CDH19: variants seen among roughly 807,000 people sequenced by gnomAD.
The protein encoded by CDH19 is cadherin-19.
In CDH19, 67 loss-of-function variants were observed where a neutral mutation model predicts 64.2. The ratio of observed to expected loss-of-function variants is 1.04; its 90% CI spans 0.86 to 1.28. CDH19 has a LOEUF of 1.28. Among genes scored for constraint, CDH19 ranks in the 50% most tolerant of loss-of-function variants. The pLI is 0.00. For synonymous variants in CDH19, 346 were observed against 319.3 expected (o/e 1.08, Z -0.89); for missense variants, 1,030 against 929.0 (o/e 1.11, Z -1.41).
intron 3 of CDH19, among the ~76,000 whole-genome samples, chr18:66,564,608 G>T (rs1451100068): frequency 6.6e-6 from 1 of 151,828 alleles, no homozygotes; most frequent in East Asian, 1.9e-4. Flanking sequence ...TTTTAAGGAA[G>T]TCAGATTTTA....
intron 8 of CDH19, among the ~76,000 whole-genome samples, chr18:66,533,032 C>A (rs891084826): frequency 1.4e-4 from 21 of 151,998 alleles, no homozygotes; most frequent in African/African-American, 5.1e-4. Context: ...TGATGCAGAT[C>A]ACATTGTGTT....
chr18:66,532,319 A>C (rs1986479700), intron 8 of CDH19: 1 of 152,314 alleles, frequency 6.6e-6, no homozygotes, highest in South Asian at 2.1e-4. Context: ...ATACAATTAA[A>C]GGGTATAGGA....
intron 1 of CDH19, among the ~76,000 whole-genome samples, chr18:66,597,842 T>C (rs1373651048): frequency 6.6e-6 from 1 of 151,798 alleles, no homozygotes; most frequent in Non-Finnish European, 1.5e-5. Context: ...TATTAAAAAA[T>C]GAGAACACCT....
chr18:66,601,830 C>T (rs1401966530), intron 1 of CDH19, among the ~76,000 whole-genome samples: 1 of 147,430 alleles, frequency 6.8e-6, no homozygotes, highest in Non-Finnish European at 1.5e-5. Flanking sequence ...TAAAAAAAAA[C>T]GCTGTAAGGG....
In CDH19 at chr18:66,509,219, C is replaced by A. The variant is rs1245492312; in HGVS notation, c.1604G>T (p.Arg535Ile). Residue 535 changes from arginine to isoleucine, a missense_variant, in exon 11 of 12, where the codon AGA becomes ATA. Physicochemically the swap from Arg to Ile is moderately conservative, Grantham distance 97 (BLOSUM62 -3). Coordinates refer to ENST00000262150, the MANE Select transcript of CDH19 (RefSeq NM_021153.4). Reference protein sequence around the residue: ...QDNTAVILTNRTGFNLQEEPV... With the variant: ...QDNTAVILTNITGFNLQEEPV... The stretch of plus-strand genomic sequence containing the variant: ...TTCTTCTTGAAGGTTAAAACCAGTT[C>A]TATTAGTCAAAATGACAGCTGTGTT... 6.2e-7 allele frequency: 1 copy of A among 1,612,350 alleles called. No individual in the cohort carries two copies. The highest frequency in any genetic ancestry group is 1.7e-5 in the Admixed American group (1 of 59,780).
At chr18:66,511,045 G>C (rs528786551) in intron 10 of CDH19, among the ~76,000 whole-genome samples, 1 of 151,732 alleles carries the variant, frequency 6.6e-6, no homozygotes, top group South Asian at 2.1e-4. Context: ...AATAAATTCT[G>C]CCCCTACAAA....
At chr18:66,552,117 C>G (rs752747790) in intron 4 of CDH19, among the ~76,000 whole-genome samples, 17 of 151,922 alleles carry the variant, frequency 1.1e-4, no homozygotes, top group Admixed American at 2.0e-4. Context: ...AGCATGCTCA[C>G]TACCTGTGTG....
intron 6 of CDH19, 39 bp downstream of exon 6, chr18:66,544,680 T>C: frequency 7.4e-7 from 1 of 1,360,090 alleles, no homozygotes; most frequent in Non-Finnish European, 1.0e-6. Context: ...GTTTTAATTT[T>C]GCGCTATTCT....
intron 1 of CDH19, among the ~76,000 whole-genome samples, chr18:66,591,663 G>A (rs1162159461): frequency 6.6e-6 from 1 of 151,788 alleles, no homozygotes; most frequent in African/African-American, 2.4e-5. Context: ...TCCGAATATA[G>A]ATTTTGAAAA....
rs770781440 is a variant in CDH19, at chr18:66,511,643, C to T, written c.1501G>A (p.Glu501Lys). Residue 501 changes from glutamate (E) to lysine (K), a missense_variant, in exon 10 of 12, where the codon GAA becomes AAA. By Grantham distance (56) the Glu-to-Lys change is moderately conservative (BLOSUM62 1). Coordinates refer to ENST00000262150, the MANE Select transcript of CDH19 (RefSeq NM_021153.4). ...AGATTAAAGTAAAAATGGTGCTCTTCTATGGATTCATCTCTATCCACTGCA... is the reference window on the plus strand; with the variant it reads ...AGATTAAAGTAAAAATGGTGCTCTTTTATGGATTCATCTCTATCCACTGCA... ...ISAVDRDESI[E>K]EHHFYFNLSV... The T allele has an allele frequency of 1.3e-6, 2 of 1,579,546 alleles. No individual in the cohort carries two copies. The highest frequency in any genetic ancestry group is 2.7e-5 in the African/African-American group (2 of 73,942).
intron 7 of CDH19, among the ~76,000 whole-genome samples, chr18:66,543,444 T>C (rs1986971720): frequency 6.6e-6 from 1 of 152,222 alleles, no homozygotes; most frequent in Admixed American, 6.5e-5. Flanking sequence ...GCACTGAATT[T>C]TAATTGGTAA....
chr18:66,585,810 T>A (rs941071078), intron 1 of CDH19, among the ~76,000 whole-genome samples: 1 of 152,018 alleles, frequency 6.6e-6, no homozygotes, highest in African/African-American at 2.4e-5. Context: ...AATGTCATTA[T>A]TTTTTTTCTA....
At chr18:66,595,494 A>G (rs1430583889) in intron 1 of CDH19, among the ~76,000 whole-genome samples, 1 of 140,792 alleles carries the variant, frequency 7.1e-6, no homozygotes, top group Non-Finnish European at 1.5e-5. Flanking sequence ...CCAAGGGGAC[A>G]TTACCACCGG....
chr18:66,583,073 T>C (rs557932194), intron 1 of CDH19, among the ~76,000 whole-genome samples: 22 of 152,210 alleles, frequency 1.4e-4, no homozygotes, highest in Non-Finnish European at 2.9e-5. Flanking sequence ...TGCTCCTGTA[T>C]TGAAGATTTG....
chr18:66,538,115 T>C (rs535145318), intron 7 of CDH19, among the ~76,000 whole-genome samples: 4 of 152,242 alleles, frequency 2.6e-5, no homozygotes, highest in African/African-American at 4.8e-5. Flanking sequence ...ATAGTATCCA[T>C]GTAAAAAATA....
intron 2 of CDH19, among the ~76,000 whole-genome samples, chr18:66,569,063 A>G (rs1435765673): frequency 6.6e-6 from 1 of 151,620 alleles, no homozygotes; most frequent in Non-Finnish European, 1.5e-5. Flanking sequence ...TATTTATACT[A>G]GATTGGGTCC....
intron 1 of CDH19, among the ~76,000 whole-genome samples, chr18:66,577,293 TA>T (rs1299156725): frequency 3.9e-5 from 6 of 152,016 alleles, no homozygotes; most frequent in African/African-American, 1.4e-4. Context: ...AAGAACATTT[TA>T]AAAGAAGAGG....
chr18:66,505,665 G>A (rs1199098228), intron 11 of CDH19, among the ~76,000 whole-genome samples: 1 of 150,366 alleles, frequency 6.7e-6, no homozygotes, highest in Non-Finnish European at 1.5e-5. Flanking sequence ...GAATAAAGTA[G>A]AATAAAACTT....
chr18:66,546,396 C>T (rs983897186), intron 5 of CDH19, among the ~76,000 whole-genome samples: 5 of 152,096 alleles, frequency 3.3e-5, no homozygotes, highest in Non-Finnish European at 7.4e-5. Context: ...AAAACAATTA[C>T]ATTGCCATGA....
Sources: gnomAD v4.1 joint callset for allele counts (sites outside exome capture counted in the v4.1 genomes callset) on GRCh38, gnomAD v4.1.1 for gene constraint, MANE v1.5 for transcripts, NCBI Gene and HGNC (gene_info 2026-07-23, HGNC 2026-07-21) for gene names.